SIPA1L3: variants seen among roughly 807,000 people sequenced by gnomAD.
The protein encoded by SIPA1L3 is signal-induced proliferation-associated 1-like protein 3.
Under a neutral mutation model 150.1 loss-of-function variants are expected in SIPA1L3, and 59 were observed. That is an observed-to-expected ratio of 0.39 (90% CI 0.32 to 0.49). The LOEUF is 0.49. SIPA1L3 is among the 20% of genes least tolerant of loss of function. The probability of loss-of-function intolerance (pLI) is 0.86; values close to 1 mark genes in which losing one functional copy is unlikely to be tolerated. For missense variants in SIPA1L3, 2,211 were observed against 2,489.5 expected (o/e 0.89, Z 2.38); for synonymous variants, 1,070 against 1,077.6 (o/e 0.99, Z 0.14).
rs149733495 is a variant in SIPA1L3 at position 38,206,207 on chromosome 19, G to A, written c.5313G>A (p.Ala1771=). 13,354 of 1,562,922 alleles carry A rather than the reference G, an allele frequency of 8.5e-3. 68 individuals are homozygous for A. The highest frequency in any genetic ancestry group is 0.01 in the Admixed American group (555 of 52,990). Residue 1771 remains alanine (A), a synonymous_variant, in exon 22 of 22, where the codon GCG becomes GCA. Coordinates refer to ENST00000222345, the MANE Select transcript of SIPA1L3 (RefSeq NM_015073.3). ...CCAGCGAGCAGCTGCGCAAGTTTGC[G>A]GAGATCTTCTGCAGGGAGAAGAAGG... ...QAASEQLRKF[A]EIFCREKKEL is the part of the protein sequence containing the mutation.
Position 38,174,595 on chromosome 19 carries a change from A to G in SIPA1L3, c.4209-7924A>G, listed in dbSNP as rs946793777. Among the ~76,000 whole-genome samples the G allele has an allele frequency of 2.0e-5, 3 of 152,264 alleles. No individual in the cohort carries two copies. In the East Asian group the frequency reaches 5.8e-4, roughly 29 times the overall value. The stretch of plus-strand genomic sequence containing the variant: ...AACCAGACACGGTGGCTCGCCTCTC[A>G]TCCCAGCACTTTGGGAGGCCGAGGC... On this transcript the variant is annotated intron_variant, in intron 15 of 21. Coordinates refer to ENST00000222345, the MANE Select transcript of SIPA1L3 (RefSeq NM_015073.3).
At chr19:38,055,191 C>CA (rs1451003424) in intron 2 of SIPA1L3, among the ~76,000 whole-genome samples, 2 of 152,090 alleles carry the variant, frequency 1.3e-5, no homozygotes, top group Non-Finnish European at 2.9e-5. Context: ...CTACATGTAA[C>CA]AAAAAACCAG....
intron 1 of SIPA1L3, among the ~76,000 whole-genome samples, chr19:37,962,429 C>G (rs2046867028): frequency 6.9e-6 from 1 of 144,594 alleles, no homozygotes; most frequent in Non-Finnish European, 1.5e-5. Flanking sequence ...CAGGTGTGAG[C>G]CACCGTGCTT....
At chr19:37,953,162 A>G (rs1434298252) in intron 1 of SIPA1L3, among the ~76,000 whole-genome samples, 1 of 152,222 alleles carries the variant, frequency 6.6e-6, no homozygotes. Context: ...TTCTCAGCTT[A>G]CAATCCTATC....
chr19:38,117,626 A>G (rs1325510567), intron 8 of SIPA1L3, among the ~76,000 whole-genome samples: 1 of 151,662 alleles, frequency 6.6e-6, no homozygotes, highest in African/African-American at 2.4e-5. Flanking sequence ...CTCAGAAAAA[A>G]AAAAAAGAGC....
Position 37,984,021 on chromosome 19 carries a change from A to G in SIPA1L3, c.-378-45068A>G, listed in dbSNP as rs537627596. Among the ~76,000 whole-genome samples, 30 of 152,204 alleles carry G rather than the reference A, an allele frequency of 2.0e-4. No homozygotes were observed. The South Asian group carries it at 5.8e-3, about 29-fold the overall frequency. ...TTCGAGTGGAGATTTTTGGAGTTGC[A>G]CGAAACTATGTGTTCTTTGTGGGAG... is the stretch of plus-strand genomic sequence containing the variant. On this transcript the variant is annotated intron_variant, in intron 1 of 21. Coordinates refer to ENST00000222345, the MANE Select transcript of SIPA1L3 (RefSeq NM_015073.3).
At chr19:38,143,670 C>G (rs1971644054) in intron 12 of SIPA1L3, among the ~76,000 whole-genome samples, 1 of 150,712 alleles carries the variant, frequency 6.6e-6, no homozygotes, top group African/African-American at 2.4e-5. Flanking sequence ...TCCCAAGTAG[C>G]TGGGACTACA....
At chr19:38,079,183 A>G (rs1341700334) in intron 2 of SIPA1L3, among the ~76,000 whole-genome samples, 1 of 152,204 alleles carries the variant, frequency 6.6e-6, no homozygotes, top group Non-Finnish European at 1.5e-5. Context: ...ATACAAAAAA[A>G]TTAGCCAGGT....
chr19:38,152,299 C>G (rs911107222), intron 12 of SIPA1L3, among the ~76,000 whole-genome samples: 2 of 152,190 alleles, frequency 1.3e-5, no homozygotes, highest in Non-Finnish European at 2.9e-5. Context: ...CTACTGTTAT[C>G]GCCTCTTGAC....
intron 2 of SIPA1L3, among the ~76,000 whole-genome samples, chr19:38,050,238 T>C (rs1969158379): frequency 6.6e-6 from 1 of 152,164 alleles, no homozygotes; most frequent in Admixed American, 6.5e-5. Context: ...GGTGGATCAC[T>C]TGACGTCGTG....
At chr19:37,908,683 G>C (rs2046355539) in intron 1 of SIPA1L3, among the ~76,000 whole-genome samples, 1 of 151,844 alleles carries the variant, frequency 6.6e-6, no homozygotes, top group African/African-American at 2.4e-5. Flanking sequence ...CACAAAGTTA[G>C]TGTTTTTTTA....
At chr19:38,175,902 C>A (rs189334956) in intron 15 of SIPA1L3, among the ~76,000 whole-genome samples, 1 of 152,188 alleles carries the variant, frequency 6.6e-6, no homozygotes, top group East Asian at 1.9e-4. Context: ...GGCACACTGG[C>A]GCTCCAGAAA....
chr19:37,922,303 G>T (rs910615221), intron 1 of SIPA1L3, among the ~76,000 whole-genome samples: 1 of 151,808 alleles, frequency 6.6e-6, no homozygotes, highest in African/African-American at 2.4e-5. Context: ...AACAAGGCTG[G>T]TCTTGAACTC....
intron 1 of SIPA1L3, among the ~76,000 whole-genome samples, chr19:38,009,409 A>C (rs561472220): frequency 6.6e-6 from 1 of 152,250 alleles, no homozygotes; most frequent in South Asian, 2.1e-4. Context: ...CCCCTCACTT[A>C]GGCTGTGTGC....
rs577844107 is a variant in SIPA1L3, at chr19:38,116,365, A to G, written c.2292-2941A>G. On this transcript the variant is annotated intron_variant, in intron 8 of 21. Transcript: ENST00000222345. ...TCTACTAAAAATACAAAAATTAGCC[A>G]GGCGTGGTGGTGCATGCCTGTAATC... is the stretch of plus-strand genomic sequence containing the variant. Among the ~76,000 whole-genome samples, 6 of 151,588 alleles carry G rather than the reference A, an allele frequency of 4.0e-5. No individual in the cohort carries two copies. The South Asian group carries it at 1.3e-3, about 32-fold the overall frequency.
intron 9 of SIPA1L3, among the ~76,000 whole-genome samples, chr19:38,121,904 G>A (rs1971030172): frequency 6.6e-6 from 1 of 150,826 alleles, no homozygotes; most frequent in South Asian, 2.1e-4. Flanking sequence ...CGGCAACAGA[G>A]AAAGACCCGG....
At position 38,206,902 on chromosome 19, in the gene SIPA1L3, G is replaced by C. The variant is rs1973230317; in HGVS notation, c.*662G>C. ...CTGAGGATAGAGAGAGGCAAGGCTA[G>C]CCTCCAGAGCCGATTTATTTGAGAG... On this transcript the variant is annotated 3_prime_UTR_variant, in exon 22 of 22. Transcript: ENST00000222345. 2 of 152,594 alleles carry C rather than the reference G, an allele frequency of 1.3e-5. No homozygotes were observed. The highest frequency in any genetic ancestry group is 1.3e-4 in the Admixed American group (2 of 15,274). 9.5% of individuals were successfully genotyped at this position (152,594 alleles called of 1,614,324 possible).
At chr19:38,140,919 G>A (rs930393117) in intron 10 of SIPA1L3, among the ~76,000 whole-genome samples, 5 of 151,958 alleles carry the variant, frequency 3.3e-5, no homozygotes, top group African/African-American at 7.3e-5. Context: ...TTAGCCGGGC[G>A]TAGTGGCGCT....
intron 1 of SIPA1L3, among the ~76,000 whole-genome samples, chr19:38,012,939 T>C (rs1198719946): frequency 6.6e-6 from 1 of 152,170 alleles, no homozygotes; most frequent in Non-Finnish European, 1.5e-5. Context: ...TGTTCCCTTC[T>C]GTGTCTTGTT....
Sources: allele counts gnomAD v4.1 joint callset (sites outside exome capture counted in the v4.1 genomes callset), GRCh38; gene constraint gnomAD v4.1.1; transcripts MANE v1.5; gene names NCBI Gene and HGNC (gene_info 2026-07-23, HGNC 2026-07-21).